The following TANC2 variants were observed in gnomAD, a reference collection of about 807,000 sequenced individuals.
TANC2 encodes tetratricopeptide repeat, ankyrin repeat and coiled-coil containing 2.
TANC2 carries 26 observed loss-of-function variants against 210.5 expected under a neutral mutation model. That is an observed-to-expected ratio of 0.12 (90% CI 0.09 to 0.17). The LOEUF (loss-of-function observed/expected upper bound fraction) is 0.17. TANC2 is among the 10% of genes least tolerant of loss of function. The pLI, the probability that TANC2 is intolerant of heterozygous loss-of-function variation, is 1.00. For synonymous variants in TANC2, 931 were observed against 967.1 expected (o/e 0.96, Z 0.69); for missense variants, 2,129 against 2,608.9 (o/e 0.82, Z 4.01).
exon 12 of TANC2, chr17:63,340,192 C>T (rs2046180414): frequency 6.2e-7 from 1 of 1,613,842 alleles, no homozygotes; most frequent in Non-Finnish European, 8.5e-7. Flanking sequence ...CTCTGCCGCT[C>T]ACCTCAGCTG....
intron 2 of TANC2, among the ~76,000 whole-genome samples, chr17:63,037,706 C>G (rs944461553): frequency 6.6e-5 from 10 of 151,898 alleles, no homozygotes; most frequent in African/African-American, 1.9e-4. Flanking sequence ...CCCAGCTACT[C>G]GGGAGTCTGA....
chr17:62,985,264 T>C (rs1256860681), intron 1 of TANC2, among the ~76,000 whole-genome samples: 5 of 152,186 alleles, frequency 3.3e-5, no homozygotes, highest in African/African-American at 4.8e-5. Context: ...CTAATGGGGA[T>C]TCCCTTATAT....
rs148416986 is a variant in TANC2, at chr17:63,029,599, T to C, written c.67+19973T>C. Among the ~76,000 whole-genome samples the C allele has an allele frequency of 2.0e-3, 297 of 152,282 alleles. 3 individuals carry two copies. The highest frequency in any genetic ancestry group is 6.4e-3 in the African/African-American group (266 of 41,564). ...AGGTATATTTTATAAATCTGTGTTGTCTTATACTGTAATGGAAAGAACTTA... is the reference window on the plus strand; with the variant it reads ...AGGTATATTTTATAAATCTGTGTTGCCTTATACTGTAATGGAAAGAACTTA... On this transcript the variant is annotated intron_variant, in intron 2 of 27. Transcript: ENST00000689528.
intron 3 of TANC2, among the ~76,000 whole-genome samples, chr17:63,082,340 A>G (rs950475492): frequency 3.3e-5 from 5 of 152,162 alleles, no homozygotes; most frequent in Non-Finnish European, 7.4e-5. Context: ...TCTATTGGTA[A>G]AGCCTGGGGA....
At chr17:63,115,126 A>G (rs1032668171) in intron 4 of TANC2, among the ~76,000 whole-genome samples, 6 of 152,204 alleles carry the variant, frequency 3.9e-5, no homozygotes, top group Non-Finnish European at 7.4e-5. Context: ...AGTATTCTAA[A>G]AAGTCACAAC....
intron 12 of TANC2, among the ~76,000 whole-genome samples, chr17:63,344,125 A>G (rs1250157600): frequency 1.3e-5 from 2 of 152,188 alleles, no homozygotes; most frequent in Admixed American, 1.3e-4. Flanking sequence ...CTGTCAGATC[A>G]GCTGCAGCAT....
rs1208513778 is a variant in TANC2, at chr17:63,314,443, A to G, written c.1215A>G (p.Glu405=). The G allele has an allele frequency of 3.1e-6, 5 of 1,613,798 alleles. No homozygotes were observed. The African/African-American group carries it at 5.3e-5, about 17-fold the overall frequency. The stretch of plus-strand genomic sequence containing the variant: ...TCTCCTTGAAGCCTCTGCTCTTTGA[A>G]GTGCCCAGCATCACTACAGAGTCAG... Residue 405 remains glutamate (E), a synonymous_variant, in exon 10 of 28, where the codon GAA becomes GAG. Coordinates refer to ENST00000689528, the Ensembl canonical transcript of TANC2.
chr17:63,075,949 A>G (rs1244565417), intron 3 of TANC2, among the ~76,000 whole-genome samples: 1 of 152,224 alleles, frequency 6.6e-6, no homozygotes, highest in Non-Finnish European at 1.5e-5. Context: ...GTAAAGAAGG[A>G]TTGGAAGGAG....
intron 3 of TANC2, among the ~76,000 whole-genome samples, chr17:63,085,709 A>G (rs1598375043): frequency 6.6e-6 from 1 of 152,120 alleles, no homozygotes; most frequent in Non-Finnish European, 1.5e-5. Flanking sequence ...GTATATGTAT[A>G]TTATACATAT....
chr17:63,115,401 T>C (rs1417571655), intron 4 of TANC2, among the ~76,000 whole-genome samples: 3 of 152,210 alleles, frequency 2.0e-5, no homozygotes, highest in African/African-American at 7.2e-5. Context: ...CCACTTATAC[T>C]TCTTTATTAC....
chr17:63,332,148 A>G (rs899472263), intron 11 of TANC2: 6 of 350,264 alleles, frequency 1.7e-5, no homozygotes, highest in Admixed American at 4.2e-5. Context: ...GTGCTTCTTT[A>G]AGATCAACTT....
intron 1 of TANC2, among the ~76,000 whole-genome samples, chr17:62,981,881 C>T (rs375777150): frequency 1.3e-5 from 2 of 152,182 alleles, no homozygotes; most frequent in South Asian, 2.1e-4. Flanking sequence ...CAAAAAGAGA[C>T]ACATAAGGCC....
intron 5 of TANC2, among the ~76,000 whole-genome samples, chr17:63,160,306 G>A (rs1027516748): frequency 1.3e-5 from 2 of 152,174 alleles, no homozygotes; most frequent in Non-Finnish European, 2.9e-5. Flanking sequence ...TTGGGAAGCT[G>A]AGGTAGGAGC....
At chr17:63,032,397 G>A (rs1482601243) in intron 2 of TANC2, among the ~76,000 whole-genome samples, 1 of 152,076 alleles carries the variant, frequency 6.6e-6, no homozygotes, top group African/African-American at 2.4e-5. Flanking sequence ...TAGAGGGAGG[G>A]AGTAAATTAG....
chr17:63,226,863 T>C (rs1437170970), intron 7 of TANC2, among the ~76,000 whole-genome samples: 1 of 152,222 alleles, frequency 6.6e-6, no homozygotes, highest in South Asian at 2.1e-4. Flanking sequence ...TTTGGTTTTC[T>C]ATTCCTGTGT....
At chr17:63,119,455 A>G (rs956306168) in intron 4 of TANC2, among the ~76,000 whole-genome samples, 2 of 152,214 alleles carry the variant, frequency 1.3e-5, no homozygotes, top group Admixed American at 6.5e-5. Flanking sequence ...GTTAAGGGAT[A>G]ATGAAAGGGT....
chr17:63,276,381 A>G (rs972139172), intron 9 of TANC2, among the ~76,000 whole-genome samples: 4 of 151,928 alleles, frequency 2.6e-5, no homozygotes, highest in Non-Finnish European at 5.9e-5. Flanking sequence ...TTTATCAAAT[A>G]TTTCCTATTT....
intron 21 of TANC2, among the ~76,000 whole-genome samples, chr17:63,406,642 C>T (rs1338245292): frequency 6.6e-6 from 1 of 152,104 alleles, no homozygotes. Context: ...TTCTTGAATT[C>T]AAAGGAGGCA....
chr17:63,017,533 G>A (rs1421692258), intron 2 of TANC2, among the ~76,000 whole-genome samples: 1 of 152,026 alleles, frequency 6.6e-6, no homozygotes, highest in Non-Finnish European at 1.5e-5. Flanking sequence ...ATACAGGGTC[G>A]TGTCCTGAGT....
Sources: gnomAD v4.1 joint callset for allele counts (sites outside exome capture counted in the v4.1 genomes callset) on GRCh38, gnomAD v4.1.1 for gene constraint, MANE v1.5 for transcripts, NCBI Gene and HGNC (gene_info 2026-07-23, HGNC 2026-07-21) for gene names.